Variants in PRIMA1 observed in about 807,000 individuals in gnomAD.
The protein encoded by PRIMA1 is proline rich membrane anchor 1.
PRIMA1 carries 7 observed loss-of-function variants against 17.5 expected under a neutral mutation model. That is an observed-to-expected ratio of 0.40 (90% CI 0.23 to 0.75). The LOEUF is 0.75. Among genes scored for constraint, PRIMA1 ranks in the 30% least tolerant of loss-of-function variants. PRIMA1 has a pLI of 0.37. For synonymous variants in PRIMA1, 97 were observed against 77.9 expected (o/e 1.25, Z -1.29); for missense variants, 200 against 201.8 (o/e 0.99, Z 0.05).
chr14:93,730,578 T>C (rs534925119), intron 4 of PRIMA1, among the ~76,000 whole-genome samples: 9 of 152,240 alleles, frequency 5.9e-5, no homozygotes, highest in Admixed American at 4.6e-4. Flanking sequence ...AAACAAGGGA[T>C]TGGCCCTTGA....
At chr14:93,767,861 A>T (rs1311373175) in intron 3 of PRIMA1, among the ~76,000 whole-genome samples, 1 of 152,114 alleles carries the variant, frequency 6.6e-6, no homozygotes. Context: ...GCCTCTGAAC[A>T]CTCAGGTTCA....
At chr14:93,780,451 GA>G (rs1239582812) in intron 2 of PRIMA1, among the ~76,000 whole-genome samples, 2 of 152,170 alleles carry the variant, frequency 1.3e-5, no homozygotes, top group African/African-American at 4.8e-5. Flanking sequence ...GAATGAATAT[GA>G]AAAACTGGGC....
intron 3 of PRIMA1, among the ~76,000 whole-genome samples, chr14:93,757,393 C>A (rs984713364): frequency 2.6e-5 from 4 of 152,264 alleles, no homozygotes; most frequent in African/African-American, 9.6e-5. Context: ...CACGTCAGAG[C>A]CGGCTAATCC....
intron 3 of PRIMA1, among the ~76,000 whole-genome samples, chr14:93,766,971 T>G (rs190365527): frequency 6.6e-6 from 1 of 152,280 alleles, no homozygotes; most frequent in Admixed American, 6.5e-5. Flanking sequence ...AATGAAGGAA[T>G]GAACAAATGA....
At chr14:93,778,157 A>G (rs1885276133) in intron 3 of PRIMA1, among the ~76,000 whole-genome samples, 1 of 152,170 alleles carries the variant, frequency 6.6e-6, no homozygotes. Flanking sequence ...CCCAAGTCTC[A>G]CCCCAAAAAC....
chr14:93,770,069 C>T (rs1333320230), intron 3 of PRIMA1, among the ~76,000 whole-genome samples: 1 of 152,192 alleles, frequency 6.6e-6, no homozygotes, highest in African/African-American at 2.4e-5. Context: ...CAGCCACAGC[C>T]ATCACTGAGT....
intron 3 of PRIMA1, among the ~76,000 whole-genome samples, chr14:93,767,930 G>C: frequency 6.6e-6 from 1 of 152,190 alleles, no homozygotes; most frequent in Non-Finnish European, 1.5e-5. Context: ...GTGGCTGCAG[G>C]GGATGGTAGG....
intron 4 of PRIMA1, among the ~76,000 whole-genome samples, chr14:93,731,468 ATAG>A (rs1348301667): frequency 6.6e-6 from 1 of 152,224 alleles, no homozygotes; most frequent in Non-Finnish European, 1.5e-5. Flanking sequence ...ATTTTAAGCC[ATAG>A]TATGTATATG....
chr14:93,782,756 C>T (rs1378177649), intron 2 of PRIMA1, among the ~76,000 whole-genome samples: 2 of 152,248 alleles, frequency 1.3e-5, no homozygotes, highest in Non-Finnish European at 2.9e-5. Context: ...TGCCTGACGG[C>T]TGAGCCCCCA....
At chr14:93,772,410 C>T (rs2141188345) in intron 3 of PRIMA1, among the ~76,000 whole-genome samples, 1 of 152,350 alleles carries the variant, frequency 6.6e-6, no homozygotes, top group East Asian at 1.9e-4. Flanking sequence ...TATTTTTGGC[C>T]CCGTCAGCCT....
intron 3 of PRIMA1, among the ~76,000 whole-genome samples, chr14:93,755,781 A>G (rs986432316): frequency 4.6e-5 from 7 of 152,156 alleles, no homozygotes; most frequent in Non-Finnish European, 8.8e-5. Context: ...CCTTGGCCCA[A>G]ATCCACTGTG....
chr14:93,769,708 C>T lies in PRIMA1; in HGVS notation c.229+9468G>A, dbSNP rs576757516. On this transcript the variant is annotated intron_variant, in intron 3 of 4. Transcript: ENST00000393140. Reference sequence around the variant, plus strand: ...AGCTTTGCGACCCACCAGGCCTGGACCTCCTCTTTTGTTAGTCGGAAACTC... The same window carrying T: ...AGCTTTGCGACCCACCAGGCCTGGATCTCCTCTTTTGTTAGTCGGAAACTC... Among the ~76,000 whole-genome samples, 167 of 152,328 alleles carry T rather than the reference C, an allele frequency of 1.1e-3. 1 individual carries two copies. The highest frequency in any genetic ancestry group is 3.5e-3 in the African/African-American group (147 of 41,556).
At chr14:93,784,665 G>A (rs1885471160) in intron 2 of PRIMA1, among the ~76,000 whole-genome samples, 1 of 152,142 alleles carries the variant, frequency 6.6e-6, no homozygotes, top group Non-Finnish European at 1.5e-5. Context: ...GCCTTGGGCT[G>A]TTCTGTCTGC....
chr14:93,773,726 C>T (rs1470109065), intron 3 of PRIMA1, among the ~76,000 whole-genome samples: 1 of 152,178 alleles, frequency 6.6e-6, no homozygotes, highest in African/African-American at 2.4e-5. Context: ...CAGATCTGGG[C>T]CTGCCACAGA....
intron 3 of PRIMA1, among the ~76,000 whole-genome samples, chr14:93,771,074 GTA>G (rs1362344890): frequency 7.1e-6 from 1 of 141,504 alleles, no homozygotes; most frequent in Non-Finnish European, 1.5e-5. Context: ...GTGTGTGCAT[GTA>G]TGTGTGTACA....
chr14:93,750,420 C>G (rs996115579), intron 3 of PRIMA1, among the ~76,000 whole-genome samples: 1 of 152,130 alleles, frequency 6.6e-6, no homozygotes, highest in Admixed American at 6.5e-5. Context: ...ACAAACATGA[C>G]GGGGCCCTCA....
chr14:93,764,546 T>C (rs1232562340), intron 3 of PRIMA1, among the ~76,000 whole-genome samples: 1 of 152,116 alleles, frequency 6.6e-6, no homozygotes. Context: ...CACTGCGTCA[T>C]CCTCAGTCTG....
Position 93,732,026 on chromosome 14 carries a change from C to T in PRIMA1, c.359+5215G>A, listed in dbSNP as rs557554726. On this transcript the variant is annotated intron_variant, in intron 4 of 4. Coordinates refer to ENST00000393140, the MANE Select transcript of PRIMA1 (RefSeq NM_178013.4). ...ACGCTTGCTTAAGGTCAGCAATTAA[C>T]GTCTGCAGGGTCAGCCAAACCGTCC... is the stretch of plus-strand genomic sequence containing the variant. Among the ~76,000 whole-genome samples, 11 of 152,368 alleles carry T rather than the reference C, an allele frequency of 7.2e-5. No individual in the cohort carries two copies. In the East Asian group the frequency reaches 7.7e-4, roughly 11 times the overall value.
intron 2 of PRIMA1, among the ~76,000 whole-genome samples, chr14:93,781,481 T>G (rs1029078697): frequency 1.4e-4 from 21 of 152,206 alleles, no homozygotes; most frequent in African/African-American, 5.1e-4. Flanking sequence ...ATTGCCAGTG[T>G]AATTATTTTC....
Sources: allele counts gnomAD v4.1 joint callset (sites outside exome capture counted in the v4.1 genomes callset), GRCh38; gene constraint gnomAD v4.1.1; transcripts MANE v1.5; gene names NCBI Gene and HGNC (gene_info 2026-07-23, HGNC 2026-07-21).